The following FBXO28 variants were observed in gnomAD, a reference collection of about 807,000 sequenced individuals.
FBXO28 encodes the protein F-box only protein 28.
Under a neutral mutation model 38.1 loss-of-function variants are expected in FBXO28, and 8 were observed. That is an observed-to-expected ratio of 0.21 (90% CI 0.12 to 0.38). The LOEUF (loss-of-function observed/expected upper bound fraction) is 0.38, where lower values mean the gene tolerates loss of function less well. Among genes scored for constraint, FBXO28 ranks in the 10% least tolerant of loss-of-function variants. The pLI is 1.00. For synonymous variants in FBXO28, 168 were observed against 173.8 expected, an observed-to-expected ratio of 0.97 and a Z score of 0.26; for missense variants, 345 against 460.6, an observed-to-expected ratio of 0.75 and a Z score of 2.30.
intron 4 of FBXO28, among the ~76,000 whole-genome samples, chr1:224,156,854 T>C (rs1657785221): frequency 6.6e-6 from 1 of 151,928 alleles, no homozygotes; most frequent in Non-Finnish European, 1.5e-5. Context: ...GAAAAGAAAT[T>C]AGCCAGGCGT....
At chr1:224,144,479 G>T (rs1657449394) in intron 3 of FBXO28, among the ~76,000 whole-genome samples, 1 of 151,644 alleles carries the variant, frequency 6.6e-6, no homozygotes, top group Admixed American at 6.6e-5. Context: ...AACAAAAAAG[G>T]CTAGGTGCAG....
chr1:224,119,702 C>T (rs749002256), intron 1 of FBXO28, among the ~76,000 whole-genome samples: 10 of 152,002 alleles, frequency 6.6e-5, no homozygotes, highest in Non-Finnish European at 2.9e-5. Flanking sequence ...TTGATTAGGA[C>T]TTAATCAGGA....
chr1:224,142,113 A>C (rs1363971700), intron 3 of FBXO28, among the ~76,000 whole-genome samples: 1 of 150,916 alleles, frequency 6.6e-6, no homozygotes, highest in Admixed American at 6.6e-5. Flanking sequence ...GCACTTTGGG[A>C]GGCCGAGGCA....
chr1:224,120,699 C>T (rs1045731756), intron 1 of FBXO28, among the ~76,000 whole-genome samples: 2 of 151,860 alleles, frequency 1.3e-5, no homozygotes, highest in Non-Finnish European at 2.9e-5. Flanking sequence ...CCCGTCTATA[C>T]CGAAAATACA....
At chr1:224,154,811 C>CAAAAA (rs35624285) in intron 4 of FBXO28, among the ~76,000 whole-genome samples, 1 of 118,718 alleles carries the variant, frequency 8.4e-6, no homozygotes, top group African/African-American at 3.3e-5. Flanking sequence ...GACTCCGTCT[C>CAAAAA]AAAAAAAAAA....
intron 3 of FBXO28, among the ~76,000 whole-genome samples, chr1:224,145,510 A>G (rs1340269278): frequency 6.6e-6 from 1 of 152,172 alleles, no homozygotes; most frequent in Non-Finnish European, 1.5e-5. Context: ...AGTAAATACT[A>G]GGCGATGGGA....
At position 224,148,523 on chromosome 1, in the gene FBXO28, G is replaced by T. The variant is rs538227399; in HGVS notation, c.517-4619G>T. Among the ~76,000 whole-genome samples the T allele has an allele frequency of 9.2e-5, 14 of 152,072 alleles. No homozygotes were observed. In the South Asian group the frequency reaches 2.7e-3, roughly 29 times the overall value. Reference sequence around the variant, plus strand: ...AAAAAGAGAAAAAAATTCGCCAGGTGTGGTGGCGGGTGCCTGTAGTCCCAG... The same window carrying T: ...AAAAAGAGAAAAAAATTCGCCAGGTTTGGTGGCGGGTGCCTGTAGTCCCAG... On this transcript the variant is annotated intron_variant, in intron 3 of 4. Coordinates refer to ENST00000366862, the MANE Select transcript of FBXO28 (RefSeq NM_015176.4).
At chr1:224,153,990 T>C (rs190861152) in intron 4 of FBXO28, among the ~76,000 whole-genome samples, 139 of 152,256 alleles carry the variant, frequency 9.1e-4, no homozygotes, top group African/African-American at 3.0e-3. Context: ...CCCAGCACTT[T>C]GGGAGACTGA....
Position 224,158,018 on chromosome 1 carries a change from T to C in FBXO28, c.*272T>C. 8.4e-7 allele frequency: 1 copy of C among 1,188,740 alleles called. No individual in the cohort carries two copies. The allele number at this position is 1,188,740 out of a possible 1,614,324, so 73.6% of individuals were successfully genotyped here. A position where few individuals can be genotyped will look rare whatever the true frequency, so the allele number is the denominator to read the frequency against. ...TAACTTTTTTCTGTGCAGATAATGT[T>C]GAAAGTAAGTTAATTTGTTTCTGCA... On this transcript the variant is annotated 3_prime_UTR_variant, in exon 5 of 5. Transcript: ENST00000366862.
At chr1:224,136,871 C>T (rs1198948738) in intron 3 of FBXO28, among the ~76,000 whole-genome samples, 1 of 151,416 alleles carries the variant, frequency 6.6e-6, no homozygotes, top group Non-Finnish European at 1.5e-5. Flanking sequence ...CATGCCTCAG[C>T]CTCCCAAGTA....
Position 224,158,000 on chromosome 1 carries a change from T to C in FBXO28, c.*254T>C. 3.2e-6 allele frequency: 4 copies of C among 1,238,164 alleles called. No homozygotes were observed. Among genetic ancestry groups the C allele is most frequent in the Non-Finnish European group, 4.0e-6 (4 of 990,530 alleles). 76.7% of individuals were successfully genotyped at this position (1,238,164 alleles called of 1,614,324 possible). A position where few individuals can be genotyped will look rare whatever the true frequency, so the allele number is the denominator to read the frequency against. On this transcript the variant is annotated 3_prime_UTR_variant, in exon 5 of 5. Transcript: ENST00000366862. ...TATCATGTTTTGAGGAGTTAACTTT[T>C]TTCTGTGCAGATAATGTTGAAAGTA... is the stretch of plus-strand genomic sequence containing the variant.
intron 1 of FBXO28, among the ~76,000 whole-genome samples, chr1:224,123,734 A>G (rs1368125049): frequency 3.9e-5 from 6 of 152,206 alleles, no homozygotes; most frequent in East Asian, 1.9e-4. Context: ...TCGTAGGTCT[A>G]TTCCACTGTC....
intron 2 of FBXO28, among the ~76,000 whole-genome samples, chr1:224,132,607 AC>A (rs1274931945): frequency 1.1e-4 from 17 of 152,132 alleles, no homozygotes; most frequent in African/African-American, 4.1e-4. Context: ...GGAGTTCAAG[AC>A]CAGCCTAGGC....
chr1:224,135,630 A>AAAAAAAAAAAAAG (rs1553290016), intron 3 of FBXO28, among the ~76,000 whole-genome samples: 21 of 115,776 alleles, frequency 1.8e-4, no homozygotes, highest in Non-Finnish European at 3.3e-4. Flanking sequence ...AAAAAAAAAA[A>AAAAAAAAAAAAAG]AAAAAGAAAA....
chr1:224,158,737 A>G lies in FBXO28; in HGVS notation c.*991A>G, dbSNP rs1406893487. On this transcript the variant is annotated 3_prime_UTR_variant, in exon 5 of 5. Coordinates refer to ENST00000366862, the MANE Select transcript of FBXO28 (RefSeq NM_015176.4). ...CTAATACTCCTCTTTGCTCACCACC[A>G]TGTGATCATTGATCAGATGTGGTGA... is the stretch of plus-strand genomic sequence containing the variant. 4 of 152,342 alleles carry G rather than the reference A, an allele frequency of 2.6e-5. No homozygotes were observed. Among genetic ancestry groups the G allele is most frequent in the African/African-American group, 9.7e-5 (4 of 41,442 alleles). The allele number at this position is 152,342 out of a possible 1,614,324, so 9.4% of individuals were successfully genotyped here. A position where few individuals can be genotyped will look rare whatever the true frequency, so the allele number is the denominator to read the frequency against.
chr1:224,141,485 A>C (rs961592788), intron 3 of FBXO28, among the ~76,000 whole-genome samples: 10 of 152,038 alleles, frequency 6.6e-5, no homozygotes, highest in African/African-American at 2.4e-4. Context: ...AAAAAAAAAA[A>C]AGATGCAATC....
At chr1:224,116,483 G>A (rs1048224951) in intron 1 of FBXO28, among the ~76,000 whole-genome samples, 10 of 152,254 alleles carry the variant, frequency 6.6e-5, no homozygotes, top group Non-Finnish European at 5.9e-5. Flanking sequence ...TATAAGTTAC[G>A]TAGTTCTCTT....
At chr1:224,118,145 A>G (rs915638352) in intron 1 of FBXO28, among the ~76,000 whole-genome samples, 1 of 151,822 alleles carries the variant, frequency 6.6e-6, no homozygotes, top group Non-Finnish European at 1.5e-5. Context: ...TGATTTCTCC[A>G]TGTTGCCCAG....
At chr1:224,139,074 C>A (rs966203641) in intron 3 of FBXO28, among the ~76,000 whole-genome samples, 1 of 151,668 alleles carries the variant, frequency 6.6e-6, no homozygotes, top group African/African-American at 2.4e-5. Context: ...TGAGCCACTG[C>A]GCCCAGCCCA....
Sources: gnomAD v4.1 joint callset for allele counts (sites outside exome capture counted in the v4.1 genomes callset) on GRCh38, gnomAD v4.1.1 for gene constraint, MANE v1.5 for transcripts, NCBI Gene and HGNC (gene_info 2026-07-23, HGNC 2026-07-21) for gene names.